The following BTBD9 variants were observed in gnomAD, a reference collection of about 807,000 sequenced individuals.
BTBD9 encodes the protein BTB/POZ domain-containing protein 9.
A neutral mutation model predicts 64.3 loss-of-function variants in BTBD9; 49 were observed. That is an observed-to-expected ratio of 0.76 (90% confidence interval 0.61 to 0.97). The LOEUF is 0.97. Ranked by LOEUF, BTBD9 falls within the 50% of genes least tolerant of loss-of-function variation. The probability of loss-of-function intolerance (pLI) is 0.00; values close to 1 mark genes in which losing one functional copy is unlikely to be tolerated. For synonymous variants in BTBD9, 260 were observed against 274.7 expected (o/e 0.95, Z 0.53); for missense variants, 598 against 762.1 (o/e 0.78, Z 2.53).
At chr6:38,260,381 A>G (rs1764748488) in intron 8 of BTBD9, among the ~76,000 whole-genome samples, 1 of 152,212 alleles carries the variant, frequency 6.6e-6, no homozygotes, top group African/African-American at 2.4e-5. Flanking sequence ...AGCTAGGTTT[A>G]TCATATTCCC....
intron 9 of BTBD9, among the ~76,000 whole-genome samples, chr6:38,195,541 C>A (rs896368845): frequency 4.6e-5 from 7 of 152,064 alleles, no homozygotes; most frequent in Non-Finnish European, 8.8e-5. Flanking sequence ...AACAAAAAAA[C>A]CCACGCAGGA....
Position 38,514,067 on chromosome 6 carries a change from G to T in BTBD9, c.1154+63533C>A, listed in dbSNP as rs538931414. On this transcript the variant is annotated intron_variant, in intron 6 of 10. Coordinates refer to ENST00000481247, the MANE Select transcript of BTBD9 (RefSeq NM_001099272.2). Reference sequence around the variant, plus strand: ...GAGGGAAAGGATTAAACATGAAGAAGAAGAGCTGCTACCAATAGCAGACTA... The same window carrying T: ...GAGGGAAAGGATTAAACATGAAGAATAAGAGCTGCTACCAATAGCAGACTA... 2.2e-4 allele frequency among the ~76,000 whole-genome samples: 34 copies of T among 152,316 alleles called. 1 individual carries two copies. The highest frequency in any genetic ancestry group is 8.2e-4 in the African/African-American group (34 of 41,576).
At chr6:38,477,342 A>G (rs2127375780) in intron 6 of BTBD9, among the ~76,000 whole-genome samples, 1 of 152,346 alleles carries the variant, frequency 6.6e-6, no homozygotes, top group Non-Finnish European at 1.5e-5. Flanking sequence ...AGTACCTACT[A>G]TGTGCTAGCT....
chr6:38,527,988 T>C (rs1449691456), intron 6 of BTBD9, among the ~76,000 whole-genome samples: 1 of 151,946 alleles, frequency 6.6e-6, no homozygotes, highest in Non-Finnish European at 1.5e-5. Flanking sequence ...ATAATAATAT[T>C]ATATTAAGGA....
chr6:38,263,641 T>G (rs568141649), intron 8 of BTBD9, among the ~76,000 whole-genome samples: 1 of 152,264 alleles, frequency 6.6e-6, no homozygotes, highest in South Asian at 2.1e-4. Context: ...ATCACAGGCA[T>G]ACAGAAGCAA....
chr6:38,264,040 C>T (rs957244749), intron 8 of BTBD9, among the ~76,000 whole-genome samples: 7 of 152,248 alleles, frequency 4.6e-5, no homozygotes, highest in South Asian at 2.1e-4. Flanking sequence ...GCAATCTTTT[C>T]GTTCAATTAT....
intron 4 of BTBD9, among the ~76,000 whole-genome samples, chr6:38,584,825 T>C (rs1477358519): frequency 6.6e-6 from 1 of 152,074 alleles, no homozygotes; most frequent in African/African-American, 2.4e-5. Flanking sequence ...TACCTCCCCC[T>C]TTTTCCCACT....
intron 9 of BTBD9, among the ~76,000 whole-genome samples, chr6:38,246,457 C>A (rs746355917): frequency 7.0e-6 from 1 of 142,856 alleles, no homozygotes; most frequent in Non-Finnish European, 1.5e-5. Context: ...CGCACGTGCA[C>A]GTACGTGTGT....
chr6:38,251,802 G>A (rs368748361), intron 9 of BTBD9, among the ~76,000 whole-genome samples: 2 of 150,242 alleles, frequency 1.3e-5, no homozygotes, highest in African/African-American at 4.9e-5. Context: ...TGAGGCCGGA[G>A]AATCACTTGA....
Position 38,268,959 on chromosome 6 carries a change from TCCTC to T in BTBD9, c.1455-12447_1455-12444del, listed in dbSNP as rs1479251799. On this transcript the variant is annotated intron_variant, in intron 8 of 10. Transcript: ENST00000481247. ...CTCTCTATCTACTTGTCCTGGAATT[TCCTC>T]CCTGTTAGTCCCTCCTCTAATGGAC... Among the ~76,000 whole-genome samples, 4 of 152,342 alleles carry T rather than the reference TCCTC, an allele frequency of 2.6e-5. No individual in the cohort carries two copies. The East Asian group carries it at 5.8e-4, about 22-fold the overall frequency.
intron 1 of BTBD9, among the ~76,000 whole-genome samples, chr6:38,627,993 T>C (rs1019225952): frequency 1.3e-5 from 2 of 152,194 alleles, no homozygotes; most frequent in African/African-American, 4.8e-5. Context: ...GACTAAGCAA[T>C]TCTATTCCAT....
At chr6:38,409,864 T>C (rs1424167188) in intron 6 of BTBD9, among the ~76,000 whole-genome samples, 1 of 151,842 alleles carries the variant, frequency 6.6e-6, no homozygotes, top group Non-Finnish European at 1.5e-5. Context: ...AAATAAAATA[T>C]GTGAGCTTAT....
chr6:38,353,295 TTTTC>T (rs1277431816), intron 6 of BTBD9, among the ~76,000 whole-genome samples: 2 of 152,190 alleles, frequency 1.3e-5, no homozygotes, highest in East Asian at 3.8e-4. Context: ...CATGGTTTAG[TTTTC>T]TTTTTGTTCT....
chr6:38,555,077 C>A (rs939327213), intron 6 of BTBD9, among the ~76,000 whole-genome samples: 1 of 152,126 alleles, frequency 6.6e-6, no homozygotes, highest in African/African-American at 2.4e-5. Context: ...TTATGTAATG[C>A]CTTTTGATTT....
chr6:38,469,723 G>A (rs376125818), intron 6 of BTBD9, among the ~76,000 whole-genome samples: 7 of 152,260 alleles, frequency 4.6e-5, no homozygotes, highest in South Asian at 4.2e-4. Flanking sequence ...GGATTTTGTC[G>A]TCTGAGTAGT....
intron 9 of BTBD9, among the ~76,000 whole-genome samples, chr6:38,194,938 A>ATT (rs1762225760): frequency 1.3e-5 from 2 of 152,194 alleles, no homozygotes; most frequent in African/African-American, 4.8e-5. Flanking sequence ...GAAGGTCTCA[A>ATT]TTTAATACCA....
chr6:38,363,843 A>C (rs1418868788), intron 6 of BTBD9, among the ~76,000 whole-genome samples: 1 of 152,202 alleles, frequency 6.6e-6, no homozygotes, highest in East Asian at 1.9e-4. Flanking sequence ...GTATGAAAGC[A>C]TCTTCTGGAA....
Position 38,184,403 on chromosome 6 carries a change from T to A in BTBD9, c.1641+8116A>T, listed in dbSNP as rs1761724335. ...TATTTCTATTCCCAAGCAGGTTTTC[T>A]TTGTGGGCATCCATTTCCAGTTGCT... On this transcript the variant is annotated intron_variant, in intron 10 of 10. Transcript: ENST00000481247. This position sits in a 1 kb window ranked among gnomAD's most constrained non-coding sequence, Gnocchi z 4.4. Among the ~76,000 whole-genome samples the A allele has an allele frequency of 6.6e-6, 1 of 152,236 alleles. No homozygotes were observed. Among genetic ancestry groups the A allele is most frequent in the South Asian group, 2.1e-4 (1 of 4,832 alleles).
intron 7 of BTBD9, among the ~76,000 whole-genome samples, chr6:38,302,039 G>A (rs896161973): frequency 1.3e-5 from 2 of 152,142 alleles, no homozygotes; most frequent in South Asian, 4.1e-4. Context: ...GGTAAAGTAT[G>A]ATGTTTCGAT....
Sources: allele counts gnomAD v4.1 joint callset (sites outside exome capture counted in the v4.1 genomes callset), GRCh38; gene constraint gnomAD v4.1.1; non-coding constraint Gnocchi (gnomAD v3.1); transcripts MANE v1.5; gene names NCBI Gene and HGNC (gene_info 2026-07-23, HGNC 2026-07-21).